The following FSTL5 variants were observed in gnomAD, a reference collection of about 807,000 sequenced individuals.
The protein encoded by FSTL5 is follistatin like 5, also known as follistatin-related protein 5.
Under a neutral mutation model 89.1 loss-of-function variants are expected in FSTL5, and 62 were observed. The ratio of observed to expected loss-of-function variants is 0.70; its 90% CI spans 0.57 to 0.86. The LOEUF is 0.86. Ranked by LOEUF, FSTL5 falls within the 40% of genes least tolerant of loss-of-function variation. The pLI, the probability that FSTL5 is intolerant of heterozygous loss-of-function variation, is 0.00. For missense variants in FSTL5, 1,057 were observed against 1,001.6 expected (o/e 1.06, Z -0.75); for synonymous variants, 383 against 346.2 (o/e 1.11, Z -1.18).
chr4:161,999,557 T>C (rs1052184042), intron 3 of FSTL5, among the ~76,000 whole-genome samples: 2 of 152,184 alleles, frequency 1.3e-5, no homozygotes, highest in African/African-American at 4.8e-5. Context: ...ATGGTGTCAC[T>C]AACATATTTG....
At chr4:161,459,136 A>G (rs936937926) in intron 14 of FSTL5, 76 bp downstream of exon 14, 6 of 937,626 alleles carry the variant, frequency 6.4e-6, no homozygotes, top group Non-Finnish European at 1.0e-5. Context: ...TCATGGTTAA[A>G]TGATCACAAA....
intron 3 of FSTL5, among the ~76,000 whole-genome samples, chr4:161,959,055 T>G (rs1302667135): frequency 1.3e-5 from 2 of 152,136 alleles, no homozygotes; most frequent in Non-Finnish European, 2.9e-5. Context: ...ATATTGATGA[T>G]TGCATGTTTC....
At chr4:162,148,617 G>T (rs1015705526) in intron 1 of FSTL5, among the ~76,000 whole-genome samples, 3 of 152,050 alleles carry the variant, frequency 2.0e-5, no homozygotes, top group African/African-American at 4.8e-5. Flanking sequence ...TAAACGATTA[G>T]CATGTCCACT....
At chr4:161,883,701 A>G (rs1732709065) in intron 4 of FSTL5, among the ~76,000 whole-genome samples, 1 of 152,204 alleles carries the variant, frequency 6.6e-6, no homozygotes, top group South Asian at 2.1e-4. Flanking sequence ...TGTGTAGGTT[A>G]AACAAAGTGC....
chr4:161,602,335 T>A (rs1734281280), intron 7 of FSTL5, among the ~76,000 whole-genome samples: 1 of 150,774 alleles, frequency 6.6e-6, no homozygotes, highest in Non-Finnish European at 1.5e-5. Context: ...TCAGTAGTCC[T>A]GACACATTGA....
At chr4:161,427,887 C>G (rs1732218755) in intron 15 of FSTL5, among the ~76,000 whole-genome samples, 2 of 151,520 alleles carry the variant, frequency 1.3e-5, no homozygotes, top group Admixed American at 1.3e-4. Flanking sequence ...GAACAACTAT[C>G]AATACAAAAT....
intron 10 of FSTL5, among the ~76,000 whole-genome samples, chr4:161,511,584 G>A (rs60486207): frequency 0.18 from 26,876 of 151,902 alleles, 2,649 homozygotes; most frequent in East Asian, 0.37. Context: ...CAATGTGGGT[G>A]GTGATGGATG....
At chr4:161,622,592 T>C (rs1218172838) in intron 7 of FSTL5, among the ~76,000 whole-genome samples, 4 of 151,952 alleles carry the variant, frequency 2.6e-5, no homozygotes, top group Non-Finnish European at 4.4e-5. Flanking sequence ...GGAGTTACCA[T>C]TGGGGTGAAA....
intron 15 of FSTL5, among the ~76,000 whole-genome samples, chr4:161,423,894 C>A (rs1578962245): frequency 6.6e-6 from 1 of 151,554 alleles, no homozygotes; most frequent in African/African-American, 2.4e-5. Flanking sequence ...GAGTCTCACT[C>A]TGTCACCCAG....
At chr4:161,934,497 C>G (rs764311516) in intron 3 of FSTL5, among the ~76,000 whole-genome samples, 2 of 151,996 alleles carry the variant, frequency 1.3e-5, no homozygotes, top group Non-Finnish European at 2.9e-5. Context: ...TCATATGTAA[C>G]TTTTTAAAAA....
chr4:162,118,436 AT>A (rs1159855955), intron 1 of FSTL5, among the ~76,000 whole-genome samples: 1 of 151,718 alleles, frequency 6.6e-6, no homozygotes, highest in South Asian at 2.1e-4. Flanking sequence ...AATTTTTTGT[AT>A]TTTTTAGTAG....
chr4:161,639,308 C>G (rs1735857573), intron 7 of FSTL5, among the ~76,000 whole-genome samples: 1 of 152,112 alleles, frequency 6.6e-6, no homozygotes, highest in African/African-American at 2.4e-5. Flanking sequence ...TTATTATGTA[C>G]TTGATGGGAT....
At chr4:161,496,815 T>C (rs1301571766) in intron 12 of FSTL5, among the ~76,000 whole-genome samples, 1 of 151,148 alleles carries the variant, frequency 6.6e-6, no homozygotes, top group Non-Finnish European at 1.5e-5. Flanking sequence ...GAGATAGAGA[T>C]AGAGATAGAG....
chr4:161,796,411 T>C (rs1002430740), intron 4 of FSTL5, among the ~76,000 whole-genome samples: 45 of 151,926 alleles, frequency 3.0e-4, no homozygotes, highest in African/African-American at 9.6e-4. Flanking sequence ...ATGTATAATA[T>C]GAAGGATATT....
intron 13 of FSTL5, among the ~76,000 whole-genome samples, chr4:161,474,296 C>T (rs1372036526): frequency 6.6e-6 from 1 of 151,900 alleles, no homozygotes; most frequent in African/African-American, 2.4e-5. Context: ...AAAAAATAAA[C>T]AAATAATTAT....
intron 7 of FSTL5, among the ~76,000 whole-genome samples, chr4:161,588,419 C>T (rs575478182): frequency 3.3e-5 from 5 of 151,936 alleles, no homozygotes; most frequent in Non-Finnish European, 7.4e-5. Flanking sequence ...AGCCCAGATA[C>T]CATCAACACA....
intron 3 of FSTL5, among the ~76,000 whole-genome samples, chr4:161,960,158 T>C (rs894809484): frequency 7.9e-6 from 1 of 125,794 alleles, no homozygotes; most frequent in Non-Finnish European, 1.6e-5. Flanking sequence ...AGAATTTTAA[T>C]GTAATTTTTT....
intron 8 of FSTL5, among the ~76,000 whole-genome samples, chr4:161,583,340 A>G (rs1733499185): frequency 6.6e-6 from 1 of 152,176 alleles, no homozygotes; most frequent in Admixed American, 6.5e-5. Flanking sequence ...TGAGGGTAGA[A>G]ACTGTGTGCT....
At chr4:161,757,418 G>A (rs959979775) in intron 6 of FSTL5, among the ~76,000 whole-genome samples, 1 of 151,350 alleles carries the variant, frequency 6.6e-6, no homozygotes, top group Non-Finnish European at 1.5e-5. Flanking sequence ...GTTTTTCCCT[G>A]ACAAACCACA....
Sources: gnomAD v4.1 joint callset for allele counts (sites outside exome capture counted in the v4.1 genomes callset) on GRCh38, gnomAD v4.1.1 for gene constraint, MANE v1.5 for transcripts, NCBI Gene and HGNC (gene_info 2026-07-23, HGNC 2026-07-21) for gene names.